The following MUC21 variants were observed in gnomAD, a reference collection of about 807,000 sequenced individuals.
MUC21 encodes the protein mucin-21.
MUC21 carries 8 observed loss-of-function variants against 9.1 expected under a neutral mutation model. The ratio of observed to expected loss-of-function variants is 0.88; its 90% CI spans 0.52 to 1.59. The LOEUF (loss-of-function observed/expected upper bound fraction) is 1.59, where lower values mean the gene tolerates loss of function less well. MUC21 is among the 40% of genes most tolerant of loss of function. MUC21 has a pLI of 0.00. For synonymous variants in MUC21, 189 were observed against 275.2 expected (o/e 0.69, Z 3.10); for missense variants, 478 against 694.2 (o/e 0.69, Z 3.50).
chr6:30,988,108 A>G lies in MUC21; in HGVS notation c.1615A>G (p.Arg539Gly). The change falls in exon 3 of 3, where the codon AGG becomes GGG. Residue 539 changes from arginine (R) to glycine (G), a missense_variant. Coordinates refer to ENST00000376296, the MANE Select transcript of MUC21 (RefSeq NM_001010909.5). ...GPGGNHGAPHRPRWSPNWFWR... is the reference protein window; with the variant it reads ...GPGGNHGAPHGPRWSPNWFWR... ...TGGAGGGAATCATGGAGCCCCCCAC[A>G]GGCCCAGGTGGAGTCCTAACTGGTT... 6.2e-7 allele frequency: 1 copy of G among 1,612,926 alleles called. No individual in the cohort carries two copies. Among genetic ancestry groups the G allele is most frequent in the Non-Finnish European group, 8.5e-7 (1 of 1,179,952 alleles).
At position 30,988,610 on chromosome 6, in the gene MUC21, T is replaced by A; in HGVS notation, c.*416T>A. ...GCCCCAGGCAAGGTCCCTGTATCTC[T>A]GAGACACCCCGATTGGCTGGAGAAT... On this transcript the variant is annotated 3_prime_UTR_variant, in exon 3 of 3. Coordinates refer to ENST00000376296, the MANE Select transcript of MUC21 (RefSeq NM_001010909.5). The A allele has an allele frequency of 6.0e-6, 1 of 167,508 alleles. No individual in the cohort carries two copies. Among genetic ancestry groups the A allele is most frequent in the Non-Finnish European group, 1.3e-5 (1 of 79,110 alleles). The allele number at this position is 167,508 out of a possible 1,614,324, so 10.4% of individuals were successfully genotyped here.
intron 1 of MUC21, 93 bp from the exon 2 acceptor site, chr6:30,986,144 A>G: frequency 9.4e-7 from 1 of 1,059,250 alleles, no homozygotes; most frequent in Non-Finnish European, 1.4e-6. Context: ...CACCATAGTG[A>G]GCATTAAATA....
At chr6:30,984,096 C>T in intron 1 of MUC21, 77 bp downstream of exon 1, 2 of 754,764 alleles carry the variant, frequency 2.6e-6, no homozygotes, top group East Asian at 2.5e-5. Flanking sequence ...ACTACTGGGG[C>T]CAGCTCTGCT....
intron 1 of MUC21, 139 bp from the exon 2 acceptor site, chr6:30,986,096 CAT>C (rs1562528061): frequency 4.4e-5 from 36 of 824,670 alleles, no homozygotes; most frequent in Non-Finnish European, 6.5e-5. Flanking sequence ...TCAATTTCTT[CAT>C]CTCAGCTGGT....
In MUC21 at chr6:30,987,141, A is replaced by C. The variant is rs879177234; in HGVS notation, c.966A>C (p.Thr322=). 1 of 1,525,522 alleles carries C rather than the reference A, an allele frequency of 6.6e-7. No homozygotes were observed. The allele number at this position is 1,525,522 out of a possible 1,614,324, so 94.5% of individuals were successfully genotyped here. ...CAGCCACCAACTCTGACTCCAGCAC[A>C]ACCTCCAGTGGGGCCAGCACAGCCA... ...ANTATNSDSS[T]TSSGASTATN... is the part of the protein sequence containing the mutation. Residue 322 remains threonine (T), a synonymous_variant, in exon 2 of 3, where the codon ACA becomes ACC. Coordinates refer to ENST00000376296, the MANE Select transcript of MUC21 (RefSeq NM_001010909.5).
chr6:30,984,586 C>T (rs1762169750), intron 1 of MUC21, among the ~76,000 whole-genome samples: 1 of 152,144 alleles, frequency 6.6e-6, no homozygotes, highest in African/African-American at 2.4e-5. Flanking sequence ...AGGAAAATCG[C>T]TTGAACCCGG....
chr6:30,984,730 T>C (rs1337844748), intron 1 of MUC21, among the ~76,000 whole-genome samples: 1 of 151,842 alleles, frequency 6.6e-6, no homozygotes, highest in Non-Finnish European at 1.5e-5. Flanking sequence ...ATCTCAGCAC[T>C]TTGGGAGGCC....
Position 30,984,031 on chromosome 6 carries a change from T to C in MUC21, c.61+12T>C. On this transcript the variant is annotated intron_variant, in intron 1 of 2. Coordinates refer to ENST00000376296, the MANE Select transcript of MUC21 (RefSeq NM_001010909.5). The stretch of plus-strand genomic sequence containing the variant: ...GCATTTAGAAGCTGGTGAGTGATTT[T>C]ATTTAAAATCGGGTGGTCTGAGAAC... The C allele has an allele frequency of 1.3e-6, 1 of 779,790 alleles. No homozygotes were observed. 48.3% of individuals were successfully genotyped at this position (779,790 alleles called of 1,614,324 possible).
intron 2 of MUC21, 124 bp from the exon 3 acceptor site, chr6:30,987,876 C>T (rs868085917): frequency 2.7e-6 from 3 of 1,109,110 alleles, no homozygotes; most frequent in Middle Eastern, 2.3e-4. Flanking sequence ...ACAGAAAGGA[C>T]TGGAGAAAGG....
chr6:30,986,518 A>T lies in MUC21; in HGVS notation c.343A>T (p.Ser115Cys), dbSNP rs200007931. 4.7e-4 allele frequency: 746 copies of T among 1,601,830 alleles called. 8 individuals carry two copies. The South Asian group carries it at 7.3e-3, about 16-fold the overall frequency. The change falls in exon 2 of 3, where the codon AGT (serine) becomes TGT (cysteine). Residue 115 changes from serine to cysteine, a missense_variant. Coordinates refer to ENST00000376296, the MANE Select transcript of MUC21 (RefSeq NM_001010909.5). ...ATNSESSTTS[S>C]GASTATNSES... The stretch of plus-strand genomic sequence containing the variant: ...CAACTCTGAGTCCAGCACAACCTCC[A>T]GTGGGGCCAGCACAGCCACCAACTC...
rs138756149 is a variant in MUC21, at chr6:30,986,579, C to T, written c.404C>T (p.Ala135Val). 0.011 allele frequency: 13,571 copies of T among 1,278,168 alleles called. 17 individuals carry two copies. Among genetic ancestry groups the T allele is most frequent in the African/African-American group, 0.024 (1,416 of 59,720 alleles). The allele number at this position is 1,278,168 out of a possible 1,614,324, so 79.2% of individuals were successfully genotyped here. ...SSTPSSGAST[A>V]TNSDSSTTSS... is the part of the protein sequence containing the mutation. ...ACACCCTCCAGTGGGGCCAGCACAGCCACCAACTCTGACTCCAGCACAACC... is the reference window on the plus strand; with the variant it reads ...ACACCCTCCAGTGGGGCCAGCACAGTCACCAACTCTGACTCCAGCACAACC... The change falls in exon 2 of 3, where the codon GCC becomes GTC. Residue 135 changes from alanine (A) to valine (V), a missense_variant. Coordinates refer to ENST00000376296, the MANE Select transcript of MUC21 (RefSeq NM_001010909.5).
intron 1 of MUC21, among the ~76,000 whole-genome samples, chr6:30,984,940 A>G (rs1015581781): frequency 3.3e-5 from 5 of 151,962 alleles, no homozygotes; most frequent in African/African-American, 1.2e-4. Flanking sequence ...GCTCCACTAT[A>G]CTCCAGCCTG....
intron 1 of MUC21, among the ~76,000 whole-genome samples, chr6:30,985,865 C>G (rs1275944336): frequency 6.6e-6 from 1 of 152,230 alleles, no homozygotes; most frequent in African/African-American, 2.4e-5. Flanking sequence ...ACCGCAACCT[C>G]TGCCTCCCGG....
In MUC21 at chr6:30,987,425, C is replaced by T. The variant is rs2429294; in HGVS notation, c.1250C>T (p.Ala417Val). 2.8e-4 allele frequency: 414 copies of T among 1,464,688 alleles called. 56 individuals carry two copies. The highest frequency in any genetic ancestry group is 6.9e-4 in the Admixed American group (33 of 47,822). The allele number at this position is 1,464,688 out of a possible 1,614,324, so 90.7% of individuals were successfully genotyped here. ...GAGTCCAGCACAGTGTCCAGTGGGG[C>T]CAGCACTGCCACCAATTCTGAGTCC... ...NSESSTVSSGASTATNSESST... is the reference protein window; with the variant it reads ...NSESSTVSSGVSTATNSESST... The change falls in exon 2 of 3, where the codon GCC becomes GTC. Residue 417 changes from alanine to valine, a missense_variant. By Grantham distance (64) the Ala-to-Val change is moderately conservative. This residue lies in a region of MUC21 where 158 missense variants were observed against 192.6 expected (regional missense o/e 0.82). Coordinates refer to ENST00000376296, the MANE Select transcript of MUC21 (RefSeq NM_001010909.5).
Position 30,988,446 on chromosome 6 carries a change from G to T in MUC21, c.*252G>T. On this transcript the variant is annotated 3_prime_UTR_variant, in exon 3 of 3. Coordinates refer to ENST00000376296, the MANE Select transcript of MUC21 (RefSeq NM_001010909.5). ...ACAAAGAGAAGCTGTGCGTGCCCCG[G>T]GGTGGGTATCTAGCTCTGAGATGAA... 1 of 457,224 alleles carries T rather than the reference G, an allele frequency of 2.2e-6. No individual in the cohort carries two copies. The allele number at this position is 457,224 out of a possible 1,614,324, so 28.3% of individuals were successfully genotyped here.
Position 30,986,559 on chromosome 6 carries a change from C to T in MUC21, c.384C>T (p.Pro128=). The T allele has an allele frequency of 6.4e-7, 1 of 1,573,454 alleles. No individual in the cohort carries two copies. Among genetic ancestry groups the T allele is most frequent in the Non-Finnish European group, 8.6e-7 (1 of 1,157,628 alleles). ...STATNSESST[P]SSGASTATNS... is the part of the protein sequence containing the mutation. ...CCACCAACTCTGAGTCCAGCACACCCTCCAGTGGGGCCAGCACAGCCACCA... is the reference window on the plus strand; with the variant it reads ...CCACCAACTCTGAGTCCAGCACACCTTCCAGTGGGGCCAGCACAGCCACCA... The change falls in exon 2 of 3, where the codon CCC becomes CCT. Residue 128 remains proline, a synonymous_variant. Transcript: ENST00000376296.
chr6:30,987,707 G>T, intron 2 of MUC21, 26 bp downstream of exon 2: 1 of 1,604,568 alleles, frequency 6.2e-7, no homozygotes, highest in Non-Finnish European at 8.5e-7. Flanking sequence ...GTAAGAAAAT[G>T]CCTGGGGGAA....
Position 30,989,000 on chromosome 6 carries a change from C to T in MUC21, c.*806C>T, listed in dbSNP as rs529118005. ...CAAAGACCCGAGATTCTCATAAATC[C>T]CCGCCCAGAAGAGCTGCACGTATCC... On this transcript the variant is annotated 3_prime_UTR_variant, in exon 3 of 3. Transcript: ENST00000376296. The T allele has an allele frequency of 6.6e-6, 1 of 152,276 alleles. No individual in the cohort carries two copies. Among genetic ancestry groups the T allele is most frequent in the Admixed American group, 6.5e-5 (1 of 15,298 alleles). The allele number at this position is 152,276 out of a possible 1,614,324, so 9.4% of individuals were successfully genotyped here.
intron 1 of MUC21, among the ~76,000 whole-genome samples, chr6:30,985,623 A>T (rs538810278): frequency 6.6e-6 from 1 of 152,336 alleles, no homozygotes; most frequent in South Asian, 2.1e-4. Flanking sequence ...GAATGTGGAA[A>T]AAGGTTAGCT....
Sources: gnomAD v4.1 joint callset for allele counts (sites outside exome capture counted in the v4.1 genomes callset) on GRCh38, gnomAD v4.1.1 for gene constraint, gnomAD v4.1.1 regional missense constraint, MANE v1.5 for transcripts, NCBI Gene and HGNC (gene_info 2026-07-23, HGNC 2026-07-21) for gene names.